Variants in WWOX observed in about 807,000 individuals in gnomAD.
WWOX encodes the protein WW domain containing oxidoreductase.
A neutral mutation model predicts 46.2 loss-of-function variants in WWOX; 69 were observed. The ratio of observed to expected loss-of-function variants is 1.49; its 90% CI spans 1.23 to 1.82. The LOEUF is 1.82. Ranked by LOEUF, WWOX falls within the 40% of genes most tolerant of loss-of-function variation. The pLI is 0.00. For missense variants in WWOX, 919 were observed against 542.6 expected (o/e 1.69, Z -6.89); for synonymous variants, 359 against 202.6 (o/e 1.77, Z -6.56).
chr16:78,412,017 G>A (rs1263566385), intron 6 of WWOX, among the ~76,000 whole-genome samples: 1 of 152,198 alleles, frequency 6.6e-6, no homozygotes, highest in Non-Finnish European at 1.5e-5. Flanking sequence ...GTGTGTGGGG[G>A]TGATGACTTC....
chr16:78,575,364 C>G (rs567214085), intron 8 of WWOX, among the ~76,000 whole-genome samples: 4 of 151,360 alleles, frequency 2.6e-5, no homozygotes, highest in African/African-American at 9.7e-5. Context: ...GGATACTAGC[C>G]TGAAATAGCC....
At chr16:78,547,147 A>AAAAAAC (rs2044057496) in intron 8 of WWOX, among the ~76,000 whole-genome samples, 1 of 139,398 alleles carries the variant, frequency 7.2e-6, no homozygotes, top group Non-Finnish European at 1.6e-5. Flanking sequence ...AAAAAAAAAA[A>AAAAAAC]AAAAAAAAAA....
intron 8 of WWOX, among the ~76,000 whole-genome samples, chr16:78,789,683 C>T (rs2050545671): frequency 6.6e-6 from 1 of 152,154 alleles, no homozygotes; most frequent in Non-Finnish European, 1.5e-5. Flanking sequence ...AAATTTTAAT[C>T]ATGGCAGTGT....
chr16:78,904,500 G>C (rs1038517214), intron 8 of WWOX, among the ~76,000 whole-genome samples: 4 of 152,044 alleles, frequency 2.6e-5, no homozygotes, highest in Non-Finnish European at 5.9e-5. Context: ...GCCTCCCAAA[G>C]TGCTGGGATT....
intron 8 of WWOX, among the ~76,000 whole-genome samples, chr16:79,148,408 A>G (rs1399735746): frequency 6.6e-6 from 1 of 152,124 alleles, no homozygotes; most frequent in East Asian, 1.9e-4. Flanking sequence ...TGGCTTCTTT[A>G]TTCCACTGAT....
chr16:78,422,646 T>A (rs1210098561), intron 6 of WWOX, among the ~76,000 whole-genome samples: 1 of 125,954 alleles, frequency 7.9e-6, no homozygotes, highest in Non-Finnish European at 1.7e-5. Context: ...GTGCCCAGCC[T>A]CCTGTTTTTT....
At chr16:79,107,359 A>T (rs191959921) in intron 8 of WWOX, among the ~76,000 whole-genome samples, 11 of 152,252 alleles carry the variant, frequency 7.2e-5, no homozygotes, top group African/African-American at 2.6e-4. Flanking sequence ...AAGTGCTGGG[A>T]TGACAGGCAC....
At chr16:79,198,671 C>T (rs977715064) in intron 8 of WWOX, among the ~76,000 whole-genome samples, 9 of 152,310 alleles carry the variant, frequency 5.9e-5, no homozygotes, top group African/African-American at 1.9e-4. Flanking sequence ...GTCCAAATTT[C>T]CCCACCCCTA....
intron 8 of WWOX, among the ~76,000 whole-genome samples, chr16:78,744,923 A>G (rs183332273): frequency 2.6e-5 from 4 of 152,192 alleles, no homozygotes; most frequent in African/African-American, 7.2e-5. Flanking sequence ...GTTTCCTCCT[A>G]TGTCAGGTCT....
rs117299866 is a variant in WWOX, at chr16:78,502,164, T to G, written c.1056+69412T>G. On this transcript the variant is annotated intron_variant, in intron 8 of 8. Transcript: ENST00000566780. ...TCTGCCCTTAGCCCTCCAATATCCT[T>G]TTCATTTTCTTTAATAGTTTTATTG... Among the ~76,000 whole-genome samples, 671 of 152,298 alleles carry G rather than the reference T, an allele frequency of 4.4e-3. 5 individuals carry two copies. The highest frequency in any genetic ancestry group is 7.7e-3 in the Non-Finnish European group (525 of 68,028).
intron 4 of WWOX, among the ~76,000 whole-genome samples, chr16:78,115,395 T>C (rs1410384333): frequency 6.6e-6 from 1 of 152,204 alleles, no homozygotes; most frequent in African/African-American, 2.4e-5. Context: ...TGTGGCTATT[T>C]TGGTATTCAG....
At chr16:78,497,234 T>C (rs924590359) in intron 8 of WWOX, among the ~76,000 whole-genome samples, 4 of 15,016 alleles carry the variant, frequency 2.7e-4, no homozygotes, top group Admixed American at 6.0e-3. Flanking sequence ...ACATACTCAT[T>C]TTTTTGCTCT....
chr16:78,763,493 G>C (rs1032807525), intron 8 of WWOX, among the ~76,000 whole-genome samples: 6 of 152,108 alleles, frequency 3.9e-5, no homozygotes, highest in African/African-American at 7.2e-5. Flanking sequence ...GCACTTTTTG[G>C]GGGAGAGAAA....
intron 8 of WWOX, among the ~76,000 whole-genome samples, chr16:78,661,777 C>A (rs557909947): frequency 1.3e-5 from 2 of 152,300 alleles, no homozygotes; most frequent in Admixed American, 6.5e-5. Flanking sequence ...TGGCTGACGC[C>A]CGTAATCCCA....
intron 6 of WWOX, among the ~76,000 whole-genome samples, chr16:78,392,458 A>G (rs1349284009): frequency 6.9e-6 from 1 of 145,394 alleles, no homozygotes; most frequent in Non-Finnish European, 1.5e-5. Context: ...ATTACAACGT[A>G]ATAATAATAG....
At position 79,059,994 on chromosome 16, in the gene WWOX, G is replaced by C. The variant is rs145481305; in HGVS notation, c.1057-151614G>C. Among the ~76,000 whole-genome samples the C allele has an allele frequency of 6.6e-4, 100 of 152,258 alleles. No homozygotes were observed. The East Asian group carries it at 0.018, about 28-fold the overall frequency. On this transcript the variant is annotated intron_variant, in intron 8 of 8. Coordinates refer to ENST00000566780, the MANE Select transcript of WWOX (RefSeq NM_016373.4). ...GTCCTTGGCAATTCCTTATTGAATA[G>C]ATTCCATTTTATTTTATTTACATTT... is the stretch of plus-strand genomic sequence containing the variant.
At chr16:78,973,437 A>G (rs1659518055) in intron 8 of WWOX, among the ~76,000 whole-genome samples, 1 of 152,238 alleles carries the variant, frequency 6.6e-6, no homozygotes, top group African/African-American at 2.4e-5. Context: ...TAATTAGCCA[A>G]CCAAGTATGA....
intron 6 of WWOX, among the ~76,000 whole-genome samples, chr16:78,399,853 T>C (rs147398225): frequency 2.2e-3 from 340 of 152,310 alleles, no homozygotes; most frequent in African/African-American, 7.7e-3. Context: ...TTTAATAACA[T>C]GGGAACCATC....
chr16:79,096,898 C>G (rs921072870), intron 8 of WWOX, among the ~76,000 whole-genome samples: 4 of 151,992 alleles, frequency 2.6e-5, no homozygotes, highest in South Asian at 2.1e-4. Context: ...TCTTTATACT[C>G]TGGGGAGAAG....
Sources: allele counts gnomAD v4.1 joint callset (sites outside exome capture counted in the v4.1 genomes callset), GRCh38; gene constraint gnomAD v4.1.1; transcripts MANE v1.5; gene names NCBI Gene and HGNC (gene_info 2026-07-23, HGNC 2026-07-21).